Variants in ARFIP1 observed in about 807,000 individuals in gnomAD.
The protein encoded by ARFIP1 is ARF interacting protein 1.
A neutral mutation model predicts 42.5 loss-of-function variants in ARFIP1; 24 were observed. The ratio of observed to expected loss-of-function variants is 0.57; its 90% CI spans 0.41 to 0.80. The LOEUF is 0.80. Ranked by LOEUF, ARFIP1 falls within the 30% of genes least tolerant of loss-of-function variation. The pLI is 0.00. For missense variants in ARFIP1, 354 were observed against 434.0 expected, an observed-to-expected ratio of 0.82 and a Z score of 1.64; for synonymous variants, 141 against 153.7, an observed-to-expected ratio of 0.92 and a Z score of 0.61.
In ARFIP1 at chr4:152,889,498, C is replaced by CATATATAT. The variant is rs71595203; in HGVS notation, c.966+1221_966+1228dup. 7.3e-3 allele frequency among the ~76,000 whole-genome samples: 313 copies of CATATATAT among 42,686 alleles called. 5 individuals carry two copies. The highest frequency in any genetic ancestry group is 0.02 in the East Asian group (28 of 1,378). 28.0% of individuals were successfully genotyped at this position (42,686 alleles called of 152,430 possible). On this transcript the variant is annotated intron_variant, in intron 8 of 8. Coordinates refer to ENST00000353617, the MANE Select transcript of ARFIP1 (RefSeq NM_001025595.3). ...CACATAAGATTGCATTCATTTTAGT[C>CATATATAT]ATATATATATATATATATATATATA... is the stretch of plus-strand genomic sequence containing the variant.
intron 1 of ARFIP1, among the ~76,000 whole-genome samples, chr4:152,824,176 G>A (rs889213560): frequency 1.3e-5 from 2 of 151,208 alleles, no homozygotes; most frequent in African/African-American, 2.4e-5. Flanking sequence ...AGCTGGAAGT[G>A]TTGGTGCAGG....
chr4:152,900,510 A>T (rs756820465), intron 8 of ARFIP1, among the ~76,000 whole-genome samples: 44 of 152,210 alleles, frequency 2.9e-4, no homozygotes, highest in Non-Finnish European at 4.7e-4. Context: ...CTTGTAGTTC[A>T]TATTTGTCTT....
At chr4:152,818,895 G>C (rs747455307) in intron 1 of ARFIP1, among the ~76,000 whole-genome samples, 1 of 152,152 alleles carries the variant, frequency 6.6e-6, no homozygotes. Flanking sequence ...ACAAAAGCAT[G>C]TGCGCTTCTC....
intron 1 of ARFIP1, among the ~76,000 whole-genome samples, chr4:152,781,564 C>G (rs1730502136): frequency 6.6e-6 from 1 of 152,190 alleles, no homozygotes; most frequent in Admixed American, 6.5e-5. Context: ...GCTGTTCTCT[C>G]AGAGCGGCTA....
intron 2 of ARFIP1, among the ~76,000 whole-genome samples, chr4:152,858,098 C>T (rs1206903250): frequency 6.6e-6 from 1 of 152,140 alleles, no homozygotes; most frequent in Non-Finnish European, 1.5e-5. Flanking sequence ...TTGAGACCAG[C>T]TGGGGCAACA....
chr4:152,868,437 G>T lies in ARFIP1; in HGVS notation c.203-2316G>T, dbSNP rs955940750. ...ATTATTTATTTTTTAGTTGGTATTG[G>T]TGAATGATTTTGGTAACAGTTGTTT... On this transcript the variant is annotated intron_variant, in intron 3 of 8. Coordinates refer to ENST00000353617, the MANE Select transcript of ARFIP1 (RefSeq NM_001025595.3). 2.0e-5 allele frequency among the ~76,000 whole-genome samples: 3 copies of T among 152,044 alleles called. No individual in the cohort carries two copies. The South Asian group carries it at 6.2e-4, about 31-fold the overall frequency.
intron 1 of ARFIP1, among the ~76,000 whole-genome samples, chr4:152,802,154 C>T (rs1578826518): frequency 2.0e-5 from 3 of 152,116 alleles, no homozygotes; most frequent in South Asian, 2.1e-4. Context: ...TTTCTTTTTT[C>T]GTAGGCAAAA....
chr4:152,888,010 A>T (rs760576946), intron 7 of ARFIP1, 123 bp from the exon 8 acceptor site: 151 of 594,268 alleles, frequency 2.5e-4, no homozygotes, highest in Non-Finnish European at 3.9e-4. Flanking sequence ...CAAGTAGAAT[A>T]TGTGTGAGAA....
chr4:152,838,315 T>C lies in ARFIP1; in HGVS notation c.93+8589T>C, dbSNP rs191273474. Among the ~76,000 whole-genome samples, 4 of 152,260 alleles carry C rather than the reference T, an allele frequency of 2.6e-5. No individual in the cohort carries two copies. In the East Asian group the frequency reaches 7.7e-4, roughly 29 times the overall value. On this transcript the variant is annotated intron_variant, in intron 2 of 8. Transcript: ENST00000353617. ...TTTTTTCTAATTCCGTGAAGAATGA[T>C]GGTGGCATTTTGATGGTGACTGCAT...
chr4:152,902,039 C>T (rs1375177898), intron 8 of ARFIP1, among the ~76,000 whole-genome samples: 1 of 152,128 alleles, frequency 6.6e-6, no homozygotes, highest in South Asian at 2.1e-4. Flanking sequence ...GTCTATTGCC[C>T]ATGAATAGAA....
chr4:152,848,120 T>C (rs1005343701), intron 2 of ARFIP1, among the ~76,000 whole-genome samples: 3 of 152,132 alleles, frequency 2.0e-5, no homozygotes, highest in Non-Finnish European at 4.4e-5. Flanking sequence ...AGTCTCACTA[T>C]GTTATTTTAT....
At chr4:152,788,711 A>G (rs1305546289) in intron 1 of ARFIP1, among the ~76,000 whole-genome samples, 1 of 151,988 alleles carries the variant, frequency 6.6e-6, no homozygotes, top group Non-Finnish European at 1.5e-5. Context: ...ATACTACATT[A>G]GCATAGTACA....
chr4:152,880,080 G>A (rs1268241319), intron 5 of ARFIP1, among the ~76,000 whole-genome samples: 1 of 152,076 alleles, frequency 6.6e-6, no homozygotes, highest in Non-Finnish European at 1.5e-5. Context: ...AACGGCTCAC[G>A]CCTGTAATCC....
intron 1 of ARFIP1, among the ~76,000 whole-genome samples, chr4:152,823,095 G>A (rs545506348): frequency 2.0e-5 from 3 of 151,958 alleles, no homozygotes; most frequent in East Asian, 1.9e-4. Context: ...CAAAATATCA[G>A]TGAAAAAAAA....
intron 1 of ARFIP1, among the ~76,000 whole-genome samples, chr4:152,821,682 A>T (rs1730380174): frequency 6.6e-6 from 1 of 152,230 alleles, no homozygotes; most frequent in Admixed American, 6.5e-5. Context: ...TCACCAGGGC[A>T]TATAGTCATC....
intron 1 of ARFIP1, among the ~76,000 whole-genome samples, chr4:152,827,077 A>G (rs1730895081): frequency 6.6e-6 from 1 of 152,170 alleles, no homozygotes; most frequent in South Asian, 2.1e-4. Flanking sequence ...AAGATGAAAA[A>G]GTTTTGGAGA....
intron 2 of ARFIP1, among the ~76,000 whole-genome samples, chr4:152,855,951 G>T (rs1000579416): frequency 4.6e-5 from 7 of 152,156 alleles, no homozygotes; most frequent in Non-Finnish European, 1.0e-4. Context: ...TTTTCTGTTG[G>T]ATTCCAGTGG....
chr4:152,838,353 T>C (rs1731817060), intron 2 of ARFIP1, among the ~76,000 whole-genome samples: 2 of 152,170 alleles, frequency 1.3e-5, no homozygotes, highest in Non-Finnish European at 2.9e-5. Flanking sequence ...ACTTTGTAGA[T>C]TGCTTTTGGC....
At chr4:152,883,931 CT>C (rs1365978130) in intron 7 of ARFIP1, among the ~76,000 whole-genome samples, 2 of 151,744 alleles carry the variant, frequency 1.3e-5, no homozygotes, top group East Asian at 1.9e-4. Context: ...TAACTTTACT[CT>C]TTGGCCTCTT....
Sources: allele counts gnomAD v4.1 joint callset (sites outside exome capture counted in the v4.1 genomes callset), GRCh38; gene constraint gnomAD v4.1.1; transcripts MANE v1.5; gene names NCBI Gene and HGNC (gene_info 2026-07-23, HGNC 2026-07-21).